ZEB2: variants seen among roughly 807,000 people sequenced by gnomAD.
ZEB2 encodes zinc finger E-box-binding homeobox 2.
In ZEB2, 6 loss-of-function variants were observed where a neutral mutation model predicts 99.9. The ratio of observed to expected loss-of-function variants is 0.06; its 90% CI spans 0.03 to 0.12. ZEB2 has a LOEUF of 0.12. Among genes scored for constraint, ZEB2 ranks in the 10% least tolerant of loss-of-function variants. The probability of loss-of-function intolerance (pLI) is 1.00; values close to 1 mark genes in which losing one functional copy is unlikely to be tolerated. For missense variants in ZEB2, 969 were observed against 1,502.8 expected (o/e 0.64, Z 5.87); for synonymous variants, 517 against 542.5 (o/e 0.95, Z 0.65).
intron 2 of ZEB2, among the ~76,000 whole-genome samples, chr2:144,431,596 A>C (rs1461599345): frequency 6.6e-6 from 1 of 151,950 alleles, no homozygotes; most frequent in Admixed American, 6.6e-5. Context: ...TGACGGGGGA[A>C]ACAAAACCTT....
intron 2 of ZEB2, among the ~76,000 whole-genome samples, chr2:144,471,417 C>T (rs1184615566): frequency 1.3e-5 from 2 of 152,024 alleles, no homozygotes; most frequent in Non-Finnish European, 2.9e-5. Context: ...CCTTCCAGAG[C>T]AGTTACCCAG....
chr2:144,453,015 C>T (rs1704075558), intron 2 of ZEB2, among the ~76,000 whole-genome samples: 2 of 152,068 alleles, frequency 1.3e-5, no homozygotes, highest in African/African-American at 4.8e-5. Context: ...CCTTGTAAGT[C>T]TATCATCTTA....
chr2:144,500,815 C>G (rs996827347), intron 2 of ZEB2, among the ~76,000 whole-genome samples: 9 of 152,064 alleles, frequency 5.9e-5, no homozygotes, highest in Non-Finnish European at 1.0e-4. Flanking sequence ...AAGGAGCATA[C>G]AAGTGAGGTA....
chr2:144,399,171 A>G lies in ZEB2; in HGVS notation c.2016T>C (p.Asp672=), dbSNP rs1057522531. 1.9e-6 allele frequency: 3 copies of G among 1,614,216 alleles called. No homozygotes were observed. The highest frequency in any genetic ancestry group is 1.3e-5 in the African/African-American group (1 of 75,044). The part of the protein sequence containing the change: ...YYAMNMEPNS[D]ELLKISIAVG... ...CAGCAATGGAAATTTTCAGCAGTTC[A>G]TCGGAGTTGGGCTCCATGTTCATAG... The change falls in exon 8 of 10, where the codon GAT becomes GAC. Residue 672 remains aspartate, a synonymous_variant. Transcript: ENST00000627532. This position sits in a 1 kb window ranked among gnomAD's most constrained non-coding sequence, Gnocchi z 5.6.
chr2:144,502,304 T>A lies in ZEB2; in HGVS notation c.73+14974A>T, dbSNP rs190714703. Reference sequence around the variant, plus strand: ...TATCTCAAATTATAGCCTCTTTACATAATGAAAAAGGAGTATTCTGGCAGC... The same window carrying A: ...TATCTCAAATTATAGCCTCTTTACAAAATGAAAAAGGAGTATTCTGGCAGC... On this transcript the variant is annotated intron_variant, in intron 2 of 9. Coordinates refer to ENST00000627532, the MANE Select transcript of ZEB2 (RefSeq NM_014795.4). Among the ~76,000 whole-genome samples, 3 of 152,190 alleles carry A rather than the reference T, an allele frequency of 2.0e-5. No homozygotes were observed. The East Asian group carries it at 5.8e-4, about 29-fold the overall frequency.
chr2:144,474,257 T>C (rs1176568264), intron 2 of ZEB2, among the ~76,000 whole-genome samples: 1 of 152,208 alleles, frequency 6.6e-6, no homozygotes, highest in Non-Finnish European at 1.5e-5. Context: ...TGTCCTCTTC[T>C]CCTGGCCTGG....
At chr2:144,517,229 C>G in intron 2 of ZEB2, 49 bp downstream of exon 2, 1 of 1,610,922 alleles carries the variant, frequency 6.2e-7, no homozygotes, top group Non-Finnish European at 8.5e-7. Flanking sequence ...CTCCCTGGGT[C>G]TCGAGCCGCG....
chr2:144,517,703 C>T, intron 1 of ZEB2: 1 of 702,850 alleles, frequency 1.4e-6, no homozygotes, highest in South Asian at 1.5e-5. Context: ...AGGGAATGCA[C>T]ACGGCGGTAC....
chr2:144,405,077 C>A (rs1703368271), intron 4 of ZEB2, 53 bp from the exon 5 acceptor site: 4 of 1,570,782 alleles, frequency 2.5e-6, no homozygotes, highest in Non-Finnish European at 2.6e-6. Flanking sequence ...TTCCTAGGAT[C>A]CCAAGTCCAT....
intron 2 of ZEB2, among the ~76,000 whole-genome samples, chr2:144,472,879 G>A (rs17739820): frequency 6.6e-6 from 1 of 152,104 alleles, no homozygotes; most frequent in Non-Finnish European, 1.5e-5. Context: ...GAGGTAGCTG[G>A]ATGAAGAGGT....
intron 2 of ZEB2, among the ~76,000 whole-genome samples, chr2:144,492,078 GA>G (rs1704688483): frequency 6.6e-6 from 1 of 152,194 alleles, no homozygotes; most frequent in Non-Finnish European, 1.5e-5. Flanking sequence ...CGGGGGAGAA[GA>G]GAGATCTGAG....
At position 144,518,148 on chromosome 2, in the gene ZEB2, T is replaced by G. The variant is rs538269684; in HGVS notation, c.-69-729A>C. On this transcript the variant is annotated intron_variant, in intron 1 of 9. Coordinates refer to ENST00000627532, the MANE Select transcript of ZEB2 (RefSeq NM_014795.4). ...TTTCCCCCCACCTCACTCACACACATGCTCCCCCACACTGGTTCCCTTAAA... is the reference window on the plus strand; with the variant it reads ...TTTCCCCCCACCTCACTCACACACAGGCTCCCCCACACTGGTTCCCTTAAA... The G allele has an allele frequency of 2.6e-3, 349 of 136,862 alleles. No homozygotes were observed. The highest frequency in any genetic ancestry group is 0.012 in the Middle Eastern group (3 of 242). 8.5% of individuals were successfully genotyped at this position (136,862 alleles called of 1,614,324 possible).
chr2:144,501,730 T>C (rs778560056), intron 2 of ZEB2, among the ~76,000 whole-genome samples: 1 of 152,200 alleles, frequency 6.6e-6, no homozygotes, highest in Non-Finnish European at 1.5e-5. Context: ...AAATTCACTT[T>C]ATATATTAAG....
At chr2:144,408,674 A>G (rs1243198742) in intron 4 of ZEB2, among the ~76,000 whole-genome samples, 2 of 152,212 alleles carry the variant, frequency 1.3e-5, no homozygotes, top group Admixed American at 6.5e-5. Flanking sequence ...TTTTCTGCCC[A>G]GTACTTCAAC....
rs1361803623 is a variant in ZEB2, at chr2:144,517,364, T to A, written c.-14A>T. 6.2e-7 allele frequency: 1 copy of A among 1,613,406 alleles called. No individual in the cohort carries two copies. Among genetic ancestry groups the A allele is most frequent in the Non-Finnish European group, 8.5e-7 (1 of 1,179,828 alleles). ...CGGCTGCTTCATTGATAAGAGCGGATCAGATGGCAGTTCGCATGGACTCGG... is the reference window on the plus strand; with the variant it reads ...CGGCTGCTTCATTGATAAGAGCGGAACAGATGGCAGTTCGCATGGACTCGG... On this transcript the variant is annotated 5_prime_UTR_variant, in exon 2 of 10. An upstream open reading frame in the 5' UTR loses its in-frame stop. Coordinates refer to ENST00000627532, the MANE Select transcript of ZEB2 (RefSeq NM_014795.4).
intron 2 of ZEB2, among the ~76,000 whole-genome samples, chr2:144,509,632 G>A (rs997302261): frequency 3.3e-5 from 5 of 151,902 alleles, no homozygotes; most frequent in Non-Finnish European, 5.9e-5. Context: ...TGTGTGTGTG[G>A]TGCATGTGTG....
intron 1 of ZEB2, chr2:144,518,707 T>A (rs1396037764): frequency 6.6e-6 from 1 of 152,254 alleles, no homozygotes; most frequent in Non-Finnish European, 1.5e-5. Context: ...AAGTTTGACA[T>A]ATTTTATCAT....
chr2:144,455,476 C>T (rs912810120), intron 2 of ZEB2, among the ~76,000 whole-genome samples: 6 of 152,166 alleles, frequency 3.9e-5, no homozygotes, highest in Non-Finnish European at 7.3e-5. Context: ...AACCACACGA[C>T]TGATATTTGC....
At chr2:144,426,558 T>C (rs913227971) in intron 3 of ZEB2, 2 of 151,978 alleles carry the variant, frequency 1.3e-5, no homozygotes, top group African/African-American at 4.8e-5. Flanking sequence ...CTGCACTTCC[T>C]TCCTCATTGT....
Sources: allele counts gnomAD v4.1 joint callset (sites outside exome capture counted in the v4.1 genomes callset), GRCh38; gene constraint gnomAD v4.1.1; non-coding constraint Gnocchi (gnomAD v3.1); transcripts MANE v1.5; gene names NCBI Gene and HGNC (gene_info 2026-07-23, HGNC 2026-07-21).